Variants in PTCHD4 observed in about 807,000 individuals in gnomAD.
PTCHD4 encodes patched domain-containing protein 4.
In PTCHD4, 33 loss-of-function variants were observed where a neutral mutation model predicts 58.1. The ratio of observed to expected loss-of-function variants is 0.57; its 90% CI spans 0.43 to 0.76. The LOEUF is 0.76. PTCHD4 is among the 30% of genes least tolerant of loss of function. The pLI is 0.00. For missense variants in PTCHD4, 1,058 were observed against 1,027.1 expected (o/e 1.03, Z -0.41); for synonymous variants, 478 against 409.6 (o/e 1.17, Z -2.02).
intron 3 of PTCHD4, among the ~76,000 whole-genome samples, chr6:48,033,154 G>C (rs1763511521): frequency 6.6e-6 from 1 of 152,112 alleles, no homozygotes; most frequent in African/African-American, 2.4e-5. Context: ...AGCCACTACA[G>C]TAAATCATCT....
chr6:48,014,139 C>T (rs1260172658), intron 3 of PTCHD4, among the ~76,000 whole-genome samples: 1 of 152,086 alleles, frequency 6.6e-6, no homozygotes, highest in African/African-American at 2.4e-5. Context: ...TTTCTCTATG[C>T]ATCAGAACAA....
intron 4 of PTCHD4, among the ~76,000 whole-genome samples, chr6:47,905,859 A>G (rs1339914302): frequency 6.6e-6 from 1 of 152,154 alleles, no homozygotes; most frequent in Non-Finnish European, 1.5e-5. Context: ...CAGTCGGCCT[A>G]TGGCTTGCCA....
Position 47,879,813 on chromosome 6 carries a change from C to A in PTCHD4, c.1022G>T (p.Ser341Ile), listed in dbSNP as rs1448482602. 1 of 1,613,420 alleles carries A rather than the reference C, an allele frequency of 6.2e-7. No individual in the cohort carries two copies. Among genetic ancestry groups the A allele is most frequent in the Non-Finnish European group, 8.5e-7 (1 of 1,179,732 alleles). Reference protein sequence around the residue: ...SDVMVTYTMTSSLYFITFGMG... With the variant: ...SDVMVTYTMTISLYFITFGMG... Reference sequence around the variant, plus strand: ...GCCAAAAGTGATGAAGTACAGGGAGCTGGTCATGGTATAGGTGACCATCAC... The same window carrying A: ...GCCAAAAGTGATGAAGTACAGGGAGATGGTCATGGTATAGGTGACCATCAC... The change falls in exon 5 of 5, where the codon AGC (serine) becomes ATC (isoleucine). Residue 341 changes from serine to isoleucine, a missense_variant. By Grantham distance (142) the Ser-to-Ile change is moderately radical (BLOSUM62 -2). Transcript: ENST00000339488.
At chr6:47,933,814 A>T (rs779818718) in intron 4 of PTCHD4, among the ~76,000 whole-genome samples, 2 of 152,184 alleles carry the variant, frequency 1.3e-5, no homozygotes, top group Non-Finnish European at 2.9e-5. Context: ...TGTTTTAAAC[A>T]ATAACTGAAT....
At chr6:48,093,097 T>C (rs1422445653) in intron 1 of PTCHD4, among the ~76,000 whole-genome samples, 4 of 152,212 alleles carry the variant, frequency 2.6e-5, no homozygotes, top group Non-Finnish European at 5.9e-5. Flanking sequence ...AAAAATAGTT[T>C]TTGGCACTAG....
Position 47,857,363 on chromosome 6 carries a change from T to C in PTCHD4, c.*20940A>G, listed in dbSNP as rs1404343914. ...GTAGTTTCATGTAGGGCATAACTTC[T>C]ATCCTGTGATAGTACATCATTAAAA... On this transcript the variant is annotated 3_prime_UTR_variant, in exon 5 of 5. Coordinates refer to ENST00000339488, the MANE Select transcript of PTCHD4 (RefSeq NM_001384253.1). 1.3e-5 allele frequency among the ~76,000 whole-genome samples: 2 copies of C among 152,106 alleles called. No individual in the cohort carries two copies. Among genetic ancestry groups the C allele is most frequent in the Non-Finnish European group, 2.9e-5 (2 of 67,996 alleles).
chr6:48,048,959 A>G (rs1444984303), intron 3 of PTCHD4, among the ~76,000 whole-genome samples: 1 of 151,966 alleles, frequency 6.6e-6, no homozygotes, highest in Non-Finnish European at 1.5e-5. Flanking sequence ...TGGAAGGCAC[A>G]CATTCTGAGA....
chr6:48,021,031 T>G (rs1368120498), intron 3 of PTCHD4, among the ~76,000 whole-genome samples: 2 of 152,152 alleles, frequency 1.3e-5, no homozygotes, highest in Non-Finnish European at 2.9e-5. Flanking sequence ...AAGCAATCTG[T>G]CTAACTAAAC....
chr6:48,077,311 G>A (rs147791627), intron 1 of PTCHD4, among the ~76,000 whole-genome samples: 12 of 152,330 alleles, frequency 7.9e-5, no homozygotes, highest in Middle Eastern at 3.4e-3. Flanking sequence ...CTTTGAAGCA[G>A]GACATTGACT....
intron 3 of PTCHD4, among the ~76,000 whole-genome samples, chr6:48,011,765 G>C (rs1369418616): frequency 6.6e-6 from 1 of 152,150 alleles, no homozygotes; most frequent in Admixed American, 6.5e-5. Context: ...TGTAAGGAAA[G>C]GGTCCAGTTT....
chr6:47,996,384 A>C (rs759291629), intron 4 of PTCHD4, among the ~76,000 whole-genome samples: 6 of 152,174 alleles, frequency 3.9e-5, no homozygotes, highest in Non-Finnish European at 8.8e-5. Context: ...CTGAGACAGG[A>C]GAATCACTTG....
At chr6:48,047,443 T>C (rs918625704) in intron 3 of PTCHD4, among the ~76,000 whole-genome samples, 1 of 151,872 alleles carries the variant, frequency 6.6e-6, no homozygotes, top group Non-Finnish European at 1.5e-5. Flanking sequence ...TGTGTTTGAT[T>C]GTTTATGTCT....
At chr6:47,880,011 T>C in intron 4 of PTCHD4, 75 bp from the exon 5 acceptor site, 2 of 1,201,776 alleles carry the variant, frequency 1.7e-6, no homozygotes, top group Non-Finnish European at 2.3e-6. Flanking sequence ...TTATAGTTTA[T>C]CTATGCTAAA....
intron 3 of PTCHD4, among the ~76,000 whole-genome samples, chr6:48,014,458 A>G (rs1438198527): frequency 2.6e-5 from 4 of 152,148 alleles, no homozygotes; most frequent in African/African-American, 7.2e-5. Flanking sequence ...AGAACACTTA[A>G]TCAGGAATCA....
chr6:48,095,138 C>T (rs939910247), intron 1 of PTCHD4, among the ~76,000 whole-genome samples: 2 of 152,092 alleles, frequency 1.3e-5, no homozygotes, highest in African/African-American at 4.8e-5. Flanking sequence ...TCAAAACTTA[C>T]CAAATTGTGT....
At chr6:47,902,878 A>G (rs534380039) in intron 4 of PTCHD4, among the ~76,000 whole-genome samples, 89 of 152,364 alleles carry the variant, frequency 5.8e-4, no homozygotes, top group African/African-American at 2.1e-3. Flanking sequence ...TTAAAGTTAT[A>G]AAATAAATTG....
chr6:47,911,960 G>A (rs1165362552), intron 4 of PTCHD4, among the ~76,000 whole-genome samples: 1 of 152,064 alleles, frequency 6.6e-6, no homozygotes, highest in Non-Finnish European at 1.5e-5. Context: ...AGACTGAGAA[G>A]CAGCATCCAG....
intron 4 of PTCHD4, among the ~76,000 whole-genome samples, chr6:47,934,107 C>T (rs1345377040): frequency 1.3e-5 from 2 of 152,056 alleles, no homozygotes; most frequent in Non-Finnish European, 2.9e-5. Flanking sequence ...ATGAGACAGC[C>T]AGGTGGGAGG....
chr6:47,964,812 G>A (rs754437630), intron 4 of PTCHD4, among the ~76,000 whole-genome samples: 12 of 152,062 alleles, frequency 7.9e-5, no homozygotes, highest in Non-Finnish European at 8.8e-5. Flanking sequence ...TAATTACTTT[G>A]CAATAATTAG....
Sources: gnomAD v4.1 joint callset for allele counts (sites outside exome capture counted in the v4.1 genomes callset) on GRCh38, gnomAD v4.1.1 for gene constraint, MANE v1.5 for transcripts, NCBI Gene and HGNC (gene_info 2026-07-23, HGNC 2026-07-21) for gene names.